NAV3: variants seen among roughly 807,000 people sequenced by gnomAD.
NAV3 encodes the protein neuron navigator 3.
NAV3 carries 87 observed loss-of-function variants against 244.7 expected under a neutral mutation model. The ratio of observed to expected loss-of-function variants is 0.36; its 90% CI spans 0.30 to 0.42. The LOEUF (loss-of-function observed/expected upper bound fraction) is 0.42. Ranked by LOEUF, NAV3 falls within the 20% of genes least tolerant of loss-of-function variation. NAV3 has a pLI of 1.00. For missense variants in NAV3, 2,663 were observed against 2,893.3 expected, an observed-to-expected ratio of 0.92 and a Z score of 1.83; for synonymous variants, 1,126 against 1,042.2, an observed-to-expected ratio of 1.08 and a Z score of -1.55.
chr12:77,872,404 A>C (rs999632297), intron 1 of NAV3, among the ~76,000 whole-genome samples: 1 of 152,338 alleles, frequency 6.6e-6, no homozygotes, highest in African/African-American at 2.4e-5. Context: ...TGAAAAACAA[A>C]AGCATTCAGA....
intron 9 of NAV3, among the ~76,000 whole-genome samples, chr12:78,029,681 G>A (rs1050319406): frequency 1.3e-5 from 2 of 152,146 alleles, no homozygotes; most frequent in Non-Finnish European, 2.9e-5. Context: ...ATTGAATGTA[G>A]AGATGGAAAG....
chr12:77,913,672 A>T (rs1886843741), intron 1 of NAV3, among the ~76,000 whole-genome samples: 1 of 151,944 alleles, frequency 6.6e-6, no homozygotes, highest in Admixed American at 6.6e-5. Flanking sequence ...AATGATAAAA[A>T]CTCTGCTATA....
intron 1 of NAV3, among the ~76,000 whole-genome samples, chr12:77,882,984 G>A (rs554859500): frequency 5.3e-5 from 8 of 152,164 alleles, no homozygotes; most frequent in Non-Finnish European, 1.2e-4. Flanking sequence ...TACACTGTTG[G>A]TAGGAATGTA....
At chr12:78,178,134 G>A (rs1958327572) in intron 28 of NAV3, among the ~76,000 whole-genome samples, 1 of 149,586 alleles carries the variant, frequency 6.7e-6, no homozygotes, top group Admixed American at 6.7e-5. Flanking sequence ...TTATATTAAT[G>A]TGGTCTCTAT....
In NAV3 at chr12:78,210,674, G is replaced by T. The variant is rs575244307; in HGVS notation, c.*157G>T. On this transcript the variant is annotated 3_prime_UTR_variant, in exon 40 of 40. Coordinates refer to ENST00000397909, the MANE Select transcript of NAV3 (RefSeq NM_001024383.2). ...GAGGCAGCAGAACTAAGTCTGAACC[G>T]CCAAGATGCTAAATTGCAATGGAAG... 10 of 757,684 alleles carry T rather than the reference G, an allele frequency of 1.3e-5. No individual in the cohort carries two copies. The highest frequency in any genetic ancestry group is 1.9e-5 in the Non-Finnish European group (9 of 475,208). 46.9% of individuals were successfully genotyped at this position (757,684 alleles called of 1,614,324 possible). A position where few individuals can be genotyped will look rare whatever the true frequency, so the allele number is the denominator to read the frequency against.
In NAV3 at chr12:77,820,165, G is replaced by A. The variant is rs948558872; in HGVS notation, c.73-120154G>A. Among the ~76,000 whole-genome samples the A allele has an allele frequency of 4.6e-5, 7 of 151,864 alleles. No homozygotes were observed. In the South Asian group the frequency reaches 1.5e-3, roughly 32 times the overall value. ...AAAAAAGGAAAGGAAAACTTTGAAG[G>A]GTTTACGTAGACTTTTTGATCACTT... On this transcript the variant is annotated intron_variant, in intron 2 of 8. Transcript: ENST00000550042.
chr12:77,812,524 C>T (rs1041970139), intron 2 of NAV3, among the ~76,000 whole-genome samples: 7 of 152,044 alleles, frequency 4.6e-5, no homozygotes, highest in Non-Finnish European at 7.4e-5. Context: ...AAGCAATTCT[C>T]CTGTCTCAGC....
chr12:78,135,435 T>C (rs1956331422), intron 18 of NAV3, among the ~76,000 whole-genome samples: 1 of 152,220 alleles, frequency 6.6e-6, no homozygotes, highest in South Asian at 2.1e-4. Context: ...TGTTTCATCT[T>C]GATAGAGCTA....
intron 2 of NAV3, among the ~76,000 whole-genome samples, chr12:77,705,184 C>A (rs1469725006): frequency 6.6e-6 from 1 of 152,090 alleles, no homozygotes; most frequent in Non-Finnish European, 1.5e-5. Flanking sequence ...TTTGGGAGGC[C>A]AAGGTAGGTG....
intron 2 of NAV3, among the ~76,000 whole-genome samples, chr12:77,690,485 T>A (rs1874954287): frequency 6.6e-6 from 1 of 151,824 alleles, no homozygotes; most frequent in African/African-American, 2.4e-5. Context: ...CATTAAAATA[T>A]GTTTTAAATT....
chr12:77,776,096 T>C (rs975552559), intron 2 of NAV3, among the ~76,000 whole-genome samples: 6 of 152,318 alleles, frequency 3.9e-5, no homozygotes, highest in African/African-American at 9.6e-5. Flanking sequence ...GGACCATTCA[T>C]AGAAGCCCAA....
intron 38 of NAV3, among the ~76,000 whole-genome samples, chr12:78,204,104 G>C (rs531539592): frequency 2.2e-4 from 34 of 151,396 alleles, no homozygotes; most frequent in Admixed American, 4.6e-4. Context: ...CATCTAAAAA[G>C]AGTTTTTCCA....
At chr12:77,939,840 C>A (rs1889692412) in intron 1 of NAV3, among the ~76,000 whole-genome samples, 1 of 152,154 alleles carries the variant, frequency 6.6e-6, no homozygotes, top group South Asian at 2.1e-4. Flanking sequence ...TTGTAATTAT[C>A]TCATAAAATG....
chr12:78,154,299 CTATATAATATATAG>C (rs1248514602), intron 22 of NAV3, among the ~76,000 whole-genome samples: 22 of 74,912 alleles, frequency 2.9e-4, no homozygotes, highest in Admixed American at 5.8e-4. Context: ...CTATATATTA[CTATATAATATATAG>C]TATATATATA....
intron 9 of NAV3, among the ~76,000 whole-genome samples, chr12:78,045,700 G>T (rs554177348): frequency 6.6e-6 from 1 of 152,132 alleles, no homozygotes; most frequent in Non-Finnish European, 1.5e-5. Flanking sequence ...TTCTTTTTCT[G>T]TTGTGTCTTT....
intron 2 of NAV3, among the ~76,000 whole-genome samples, chr12:77,618,822 G>A (rs711117): frequency 0.2 from 30,716 of 152,096 alleles, 4,210 homozygotes; most frequent in African/African-American, 0.39. Flanking sequence ...AGCACTCATC[G>A]TCTACAAATT....
At position 78,199,429 on chromosome 12, in the gene NAV3, A is replaced by G; in HGVS notation, c.6613A>G (p.Ile2205Val). 1 of 1,610,878 alleles carries G rather than the reference A, an allele frequency of 6.2e-7. No homozygotes were observed. Among genetic ancestry groups the G allele is most frequent in the Non-Finnish European group, 8.5e-7 (1 of 1,178,578 alleles). The change falls in exon 37 of 40, where the codon ATT becomes GTT. Residue 2205 changes from isoleucine (I) to valine (V), a missense_variant. Ile to Val is a conservative substitution (Grantham distance 29, BLOSUM62 3). This residue lies in a region of NAV3 where 543 missense variants were observed against 672.4 expected (regional missense o/e 0.81). Transcript: ENST00000397909. Reference protein sequence around the residue: ...KLIEIEIERNIRNNDLVKIID... With the variant: ...KLIEIEIERNVRNNDLVKIID... ...CATAGAGATAGAAATTGAAAGGAACATTCGCAATAATGACCTAGTCAAAAT... is the reference window on the plus strand; with the variant it reads ...CATAGAGATAGAAATTGAAAGGAACGTTCGCAATAATGACCTAGTCAAAAT...
At chr12:77,706,478 A>G (rs1430203374) in intron 2 of NAV3, among the ~76,000 whole-genome samples, 1 of 151,292 alleles carries the variant, frequency 6.6e-6, no homozygotes, top group Middle Eastern at 3.4e-3. Flanking sequence ...TCATGTGTAC[A>G]CTCTAATGTC....
At chr12:78,049,746 T>C (rs1269203955) in intron 9 of NAV3, among the ~76,000 whole-genome samples, 1 of 152,216 alleles carries the variant, frequency 6.6e-6, no homozygotes, top group African/African-American at 2.4e-5. Flanking sequence ...TTTTTTTTAT[T>C]TTAAGGTCAA....
Sources: gnomAD v4.1 joint callset for allele counts (sites outside exome capture counted in the v4.1 genomes callset) on GRCh38, gnomAD v4.1.1 for gene constraint, gnomAD v4.1.1 regional missense constraint, MANE v1.5 for transcripts, NCBI Gene and HGNC (gene_info 2026-07-23, HGNC 2026-07-21) for gene names.